MTARC1: variants seen among roughly 807,000 people sequenced by gnomAD.
MTARC1 encodes the protein mitochondrial amidoxime reducing component 1, also known as mitochondrial amidoxime-reducing component 1.
Under a neutral mutation model 33.6 loss-of-function variants are expected in MTARC1, and 24 were observed. The ratio of observed to expected loss-of-function variants is 0.72; its 90% CI spans 0.52 to 1.01. MTARC1 has a LOEUF of 1.01. Among genes scored for constraint, MTARC1 ranks in the 50% least tolerant of loss-of-function variants. The probability of loss-of-function intolerance (pLI) is 0.00; values close to 1 mark genes in which losing one functional copy is unlikely to be tolerated. For missense variants in MTARC1, 417 were observed against 445.7 expected (o/e 0.94, Z 0.58); for synonymous variants, 187 against 189.5 (o/e 0.99, Z 0.11).
intron 4 of MTARC1, 35 bp downstream of exon 4, chr1:220,798,049 T>C: frequency 6.2e-7 from 1 of 1,614,132 alleles, no homozygotes; most frequent in Non-Finnish European, 8.5e-7. Flanking sequence ...TTCCTTGGAT[T>C]TGACTTCTTT....
rs932658868 is a variant in MTARC1, at chr1:220,813,510, T to A, written c.*92T>A. The A allele has an allele frequency of 1.3e-6, 2 of 1,495,266 alleles. No individual in the cohort carries two copies. The highest frequency in any genetic ancestry group is 9.1e-7 in the Non-Finnish European group (1 of 1,103,210). 92.6% of individuals were successfully genotyped at this position (1,495,266 alleles called of 1,614,324 possible). ...AGCATGGTGTTTCAGAACTGAGACC[T>A]CTACATTTTCTTTAAATTTGTGATT... On this transcript the variant is annotated 3_prime_UTR_variant, in exon 7 of 7. Coordinates refer to ENST00000366910, the MANE Select transcript of MTARC1 (RefSeq NM_022746.4).
chr1:220,787,046 G>A lies in MTARC1; in HGVS notation c.102G>A (p.Ala34=), dbSNP rs908832586. The change falls in exon 1 of 7, where the codon GCG becomes GCA. Residue 34 remains alanine (A), a synonymous_variant. Transcript: ENST00000366910. ...GVAALGLTAV[A]LGAVAWRRAW... is the part of the protein sequence containing the mutation. ...CCGCGCTGGGCCTGACCGCGGTGGC[G>A]CTGGGGGCTGTCGCCTGGCGCCGCG... is the stretch of plus-strand genomic sequence containing the variant. 7.1e-7 allele frequency: 1 copy of A among 1,403,244 alleles called. No individual in the cohort carries two copies. Among genetic ancestry groups the A allele is most frequent in the Non-Finnish European group, 9.2e-7 (1 of 1,088,084 alleles). 86.9% of individuals were successfully genotyped at this position (1,403,244 alleles called of 1,614,324 possible).
chr1:220,786,921 C>G lies in MTARC1; in HGVS notation c.-24C>G. 4 of 1,229,756 alleles carry G rather than the reference C, an allele frequency of 3.3e-6. No homozygotes were observed. Among genetic ancestry groups the G allele is most frequent in the Non-Finnish European group, 4.0e-6 (4 of 987,672 alleles). 76.2% of individuals were successfully genotyped at this position (1,229,756 alleles called of 1,614,324 possible). ...GACCAGCGCGCTCCGGCCTTGCCGC[C>G]GCCACCTCGCGGAGAAGCCAGCCAT... On this transcript the variant is annotated 5_prime_UTR_variant, in exon 1 of 7. Transcript: ENST00000366910.
In MTARC1 at chr1:220,817,613, T is replaced by A. The variant is rs1673308040; in HGVS notation, c.*4195T>A. On this transcript the variant is annotated 3_prime_UTR_variant, in exon 7 of 7. Coordinates refer to ENST00000366910, the MANE Select transcript of MTARC1 (RefSeq NM_022746.4). ...ATTGGTGCATTTACAATCCTTTAGC[T>A]AGACACAGAACACTGACTGGTGCAT... is the stretch of plus-strand genomic sequence containing the variant. The A allele has an allele frequency of 6.6e-6, 1 of 151,040 alleles. No homozygotes were observed. 9.4% of individuals were successfully genotyped at this position (151,040 alleles called of 1,614,324 possible).
rs1199496066 is a variant in MTARC1, at chr1:220,817,513, A to G, written c.*4095A>G. The G allele has an allele frequency of 6.6e-6, 1 of 151,694 alleles. No homozygotes were observed. Among genetic ancestry groups the G allele is most frequent in the Non-Finnish European group, 1.5e-5 (1 of 67,960 alleles). 9.4% of individuals were successfully genotyped at this position (151,694 alleles called of 1,614,324 possible). ...TACAGAGTGCTGATTGGTCCATTTT[A>G]CAGAGTGCTGATTGGTGCATTTACA... On this transcript the variant is annotated 3_prime_UTR_variant, in exon 7 of 7. Coordinates refer to ENST00000366910, the MANE Select transcript of MTARC1 (RefSeq NM_022746.4).
intron 2 of MTARC1, among the ~76,000 whole-genome samples, chr1:220,792,539 G>A (rs942847280): frequency 6.6e-6 from 1 of 151,724 alleles, no homozygotes; most frequent in African/African-American, 2.4e-5. Flanking sequence ...CAATACTGAT[G>A]TAATTTCTAC....
rs1673209848 is a variant in MTARC1 at position 220,813,707 on chromosome 1, C to T, written c.*289C>T. On this transcript the variant is annotated 3_prime_UTR_variant, in exon 7 of 7. Coordinates refer to ENST00000366910, the MANE Select transcript of MTARC1 (RefSeq NM_022746.4). ...ACTGATTATGGAATAGTTCTTTCTC[C>T]TGCTTCTCCGTTTATCTACCAAGAG... 4 of 328,058 alleles carry T rather than the reference C, an allele frequency of 1.2e-5. No individual in the cohort carries two copies. Among genetic ancestry groups the T allele is most frequent in the Admixed American group, 8.4e-5 (2 of 23,876 alleles). The allele number at this position is 328,058 out of a possible 1,614,324, so 20.3% of individuals were successfully genotyped here.
At chr1:220,791,343 G>GGACA in intron 1 of MTARC1, 148 bp from the exon 2 acceptor site, 1 of 798,972 alleles carries the variant, frequency 1.3e-6, no homozygotes, top group Non-Finnish European at 1.9e-6. Flanking sequence ...CTGATGTTTA[G>GGACA]GACAGACAGA....
rs534909811 is a variant in MTARC1 at position 220,817,076 on chromosome 1, C to T, written c.*3658C>T. The stretch of plus-strand genomic sequence containing the variant: ...CAGGGAGGGGTGCCCTGTTTCTCTT[C>T]TGCTAGCTTCTCCTTTCTTTTTTTT... On this transcript the variant is annotated 3_prime_UTR_variant, in exon 7 of 7. Transcript: ENST00000366910. 3.9e-5 allele frequency: 6 copies of T among 152,332 alleles called. No homozygotes were observed. Among genetic ancestry groups the T allele is most frequent in the South Asian group, 2.1e-4 (1 of 4,804 alleles). The allele number at this position is 152,332 out of a possible 1,614,324, so 9.4% of individuals were successfully genotyped here.
In MTARC1 at chr1:220,786,981, GTCC is replaced by G; in HGVS notation, c.43_45del (p.Leu15del). On this transcript the variant is annotated inframe_deletion, in exon 1 of 7. Coordinates refer to ENST00000366910, the MANE Select transcript of MTARC1 (RefSeq NM_022746.4). The stretch of plus-strand genomic sequence containing the variant: ...CGGCTCCTCCGCGCTGGCGCGCTTT[GTCC>G]TCCTCGCGCAATCCCGGCCCGGGTG... The G allele has an allele frequency of 1.6e-6, 2 of 1,275,304 alleles. No individual in the cohort carries two copies. The highest frequency in any genetic ancestry group is 2.0e-6 in the Non-Finnish European group (2 of 1,017,058). The allele number at this position is 1,275,304 out of a possible 1,614,324, so 79.0% of individuals were successfully genotyped here. A position where few individuals can be genotyped will look rare whatever the true frequency, so the allele number is the denominator to read the frequency against.
At chr1:220,812,063 G>A (rs1272491033) in intron 6 of MTARC1, among the ~76,000 whole-genome samples, 1 of 152,242 alleles carries the variant, frequency 6.6e-6, no homozygotes, top group East Asian at 1.9e-4. Context: ...GGGAACCTGG[G>A]CTTCCTTCCT....
rs778108898 is a variant in MTARC1 at position 220,813,360 on chromosome 1, T to A, written c.956T>A (p.Val319Glu). The A allele has an allele frequency of 6.2e-7, 1 of 1,614,176 alleles. No individual in the cohort carries two copies. The highest frequency in any genetic ancestry group is 8.5e-7 in the Non-Finnish European group (1 of 1,180,038). Residue 319 changes from valine to glutamate, a missense_variant, in exon 7 of 7, where the codon GTG becomes GAG. Val to Glu is a moderately radical substitution (Grantham distance 121). Coordinates refer to ENST00000366910, the MANE Select transcript of MTARC1 (RefSeq NM_022746.4). Reference protein sequence around the residue: ...GKSPLFGQYFVLENPGTIKVG... With the variant: ...GKSPLFGQYFELENPGTIKVG... The stretch of plus-strand genomic sequence containing the variant: ...TCACCACTCTTTGGGCAGTATTTTG[T>A]GCTGGAAAACCCAGGGACCATCAAA...
chr1:220,805,211 T>C lies in MTARC1; in HGVS notation c.824T>C (p.Leu275Ser). The C allele has an allele frequency of 6.2e-7, 1 of 1,614,076 alleles. No individual in the cohort carries two copies. Among genetic ancestry groups the C allele is most frequent in the Non-Finnish European group, 8.5e-7 (1 of 1,180,046 alleles). Residue 275 changes from leucine (L) to serine (S), a missense_variant, in exon 6 of 7, where the codon TTA becomes TCA. Transcript: ENST00000366910. ...TCTGTGTGTGTGTCCAGATGCATTTTAACCACAGTGGACCCAGACACCGGT... is the reference window on the plus strand; with the variant it reads ...TCTGTGTGTGTGTCCAGATGCATTTCAACCACAGTGGACCCAGACACCGGT... ...KRVMACSRCI[L>S]TTVDPDTGVM...
intron 3 of MTARC1, 143 bp from the exon 4 acceptor site, chr1:220,797,731 C>T (rs67889619): frequency 0.018 from 13,804 of 758,050 alleles, 421 homozygotes; most frequent in African/African-American, 0.081. Flanking sequence ...ACTGTGACTT[C>T]TATTAAAAGA....
chr1:220,798,480 A>T, intron 4 of MTARC1: 1 of 985,406 alleles, frequency 1.0e-6, no homozygotes, highest in Non-Finnish European at 1.2e-6. Context: ...CACTACCCTG[A>T]AATGCTTGCA....
intron 6 of MTARC1, 142 bp downstream of exon 6, chr1:220,805,416 T>C (rs1415416014): frequency 4.7e-6 from 4 of 849,604 alleles, no homozygotes; most frequent in Non-Finnish European, 7.6e-6. Flanking sequence ...ATTAACGAGA[T>C]AATTTGGGAA....
Position 220,787,163 on chromosome 1 carries a change from G to A in MTARC1, c.219G>A (p.Pro73=), listed in dbSNP as rs1222560734. 3 of 1,579,268 alleles carry A rather than the reference G, an allele frequency of 1.9e-6. No individual in the cohort carries two copies. The highest frequency in any genetic ancestry group is 3.6e-5 in the Admixed American group (2 of 55,812). The part of the protein sequence containing the change: ...IYPVKSCKGV[P]VSEAECTAMG... ...CTGTGAAATCCTGCAAGGGGGTGCC[G>A]GTGAGCGAGGCGGAGTGCACGGCCA... The change falls in exon 1 of 7, where the codon CCG becomes CCA. Residue 73 remains proline (P), a synonymous_variant. Coordinates refer to ENST00000366910, the MANE Select transcript of MTARC1 (RefSeq NM_022746.4).
chr1:220,816,198 A>G lies in MTARC1; in HGVS notation c.*2780A>G, dbSNP rs1673275171. ...GGAGGTTGGGTAAATTAGACTAGCC[A>G]AATGGGACTTCGGGAAACCATTTAT... On this transcript the variant is annotated 3_prime_UTR_variant, in exon 7 of 7. Coordinates refer to ENST00000366910, the MANE Select transcript of MTARC1 (RefSeq NM_022746.4). 6.6e-6 allele frequency: 1 copy of G among 152,254 alleles called. No homozygotes were observed. Among genetic ancestry groups the G allele is most frequent in the South Asian group, 2.1e-4 (1 of 4,832 alleles). 9.4% of individuals were successfully genotyped at this position (152,254 alleles called of 1,614,324 possible). A position where few individuals can be genotyped will look rare whatever the true frequency, so the allele number is the denominator to read the frequency against.
chr1:220,813,608 T>C lies in MTARC1; in HGVS notation c.*190T>C, dbSNP rs1025313534. On this transcript the variant is annotated 3_prime_UTR_variant, in exon 7 of 7. Coordinates refer to ENST00000366910, the MANE Select transcript of MTARC1 (RefSeq NM_022746.4). ...TCCCAGTGCAAAAAGTAAAGAAATA[T>C]AGTCTCAATAACTTAGTAGGACTTC... The C allele has an allele frequency of 2.9e-5, 19 of 662,870 alleles. No individual in the cohort carries two copies. The African/African-American group carries it at 2.9e-4, about 10-fold the overall frequency. 41.1% of individuals were successfully genotyped at this position (662,870 alleles called of 1,614,324 possible).
Sources: allele counts gnomAD v4.1 joint callset (sites outside exome capture counted in the v4.1 genomes callset), GRCh38; gene constraint gnomAD v4.1.1; transcripts MANE v1.5; gene names NCBI Gene and HGNC (gene_info 2026-07-23, HGNC 2026-07-21).